Variants in ZNF540 observed in about 807,000 individuals in gnomAD.
ZNF540 encodes the protein CTD-3064H18.6.
Under a neutral mutation model 11.8 loss-of-function variants are expected in ZNF540, and 3 were observed. The ratio of observed to expected loss-of-function variants is 0.25; its 90% CI spans 0.12 to 0.65. The LOEUF (loss-of-function observed/expected upper bound fraction) is 0.65. Ranked by LOEUF, ZNF540 falls within the 30% of genes least tolerant of loss-of-function variation. ZNF540 has a pLI of 0.83. For synonymous variants in ZNF540, 247 were observed against 259.0 expected (o/e 0.95, Z 0.45); for missense variants, 709 against 793.1 (o/e 0.89, Z 1.27).
Position 37,612,795 on chromosome 19 carries a change from A to C in ZNF540, c.1515A>C (p.Arg505Ser). The C allele has an allele frequency of 6.2e-7, 1 of 1,613,998 alleles. No homozygotes were observed. The highest frequency in any genetic ancestry group is 8.5e-7 in the Non-Finnish European group (1 of 1,180,008). The change falls in exon 5 of 5, where the codon AGA becomes AGC. Residue 505 changes from arginine to serine, a missense_variant. By Grantham distance (110) the Arg-to-Ser change is moderately radical. Coordinates refer to ENST00000316433, the MANE Select transcript of ZNF540 (RefSeq NM_001172225.3). ...YKCVRCGKTFRFGFYLTEHQR... is the reference protein window; with the variant it reads ...YKCVRCGKTFSFGFYLTEHQR... ...GTGTACGATGTGGGAAGACCTTTAG[A>C]TTTGGTTTCTACCTTACTGAACACC... is the stretch of plus-strand genomic sequence containing the variant.
chr19:37,564,738 C>CA, intron 1 of ZNF540: 1 of 1,613,666 alleles, frequency 6.2e-7, no homozygotes. Context: ...AAGGCCCTCC[C>CA]ACATTCCTTA....
At chr19:37,560,234 C>T (rs555287617) in intron 1 of ZNF540, among the ~76,000 whole-genome samples, 11 of 150,338 alleles carry the variant, frequency 7.3e-5, no homozygotes, top group South Asian at 2.1e-4. Context: ...GCTGAGATTG[C>T]GCCACTGCAC....
chr19:37,604,450 G>C (rs568181252), intron 4 of ZNF540, among the ~76,000 whole-genome samples: 1 of 151,500 alleles, frequency 6.6e-6, no homozygotes, highest in Non-Finnish European at 1.5e-5. Context: ...TGGGACTACA[G>C]GTGCCCACCA....
intron 1 of ZNF540, among the ~76,000 whole-genome samples, chr19:37,579,044 C>A (rs977884415): frequency 1.3e-5 from 2 of 152,218 alleles, no homozygotes; most frequent in East Asian, 3.8e-4. Flanking sequence ...GCCCTGCCCC[C>A]ACCTGAACAT....
intron 1 of ZNF540, chr19:37,584,128 C>T: frequency 6.2e-7 from 1 of 1,613,142 alleles, no homozygotes; most frequent in Non-Finnish European, 8.5e-7. Context: ...CAGGATGATT[C>T]TACAGGAATG....
intron 1 of ZNF540, chr19:37,584,210 T>C (rs948508750): frequency 6.6e-6 from 10 of 1,511,904 alleles, no homozygotes; most frequent in South Asian, 3.7e-5. Flanking sequence ...CAACAGGAAA[T>C]TGGTTGCCTA....
At chr19:37,570,332 C>T (rs1229131459) in intron 1 of ZNF540, among the ~76,000 whole-genome samples, 1 of 152,152 alleles carries the variant, frequency 6.6e-6, no homozygotes, top group Non-Finnish European at 1.5e-5. Context: ...ATTTTCTTCA[C>T]CTTCTTGATC....
chr19:37,586,373 A>T (rs1441218520), intron 1 of ZNF540: 1 of 426,764 alleles, frequency 2.3e-6, no homozygotes, highest in Non-Finnish European at 4.2e-6. Context: ...CCGTGGTACT[A>T]ATGTGTACCA....
intron 1 of ZNF540, among the ~76,000 whole-genome samples, chr19:37,576,313 C>T (rs892768060): frequency 6.6e-6 from 1 of 152,136 alleles, no homozygotes; most frequent in African/African-American, 2.4e-5. Context: ...TCATATAACT[C>T]TATAAACAAA....
chr19:37,567,857 T>C (rs1434046397), intron 1 of ZNF540: 1 of 152,244 alleles, frequency 6.6e-6, no homozygotes, highest in Non-Finnish European at 1.5e-5. Flanking sequence ...GCTCTACATG[T>C]GTAGGGGGAA....
chr19:37,602,639 G>A (rs1359674551), intron 4 of ZNF540, among the ~76,000 whole-genome samples: 1 of 152,166 alleles, frequency 6.6e-6, no homozygotes, highest in East Asian at 1.9e-4. Flanking sequence ...GAGGCCCAGG[G>A]CACTCTATTC....
intron 1 of ZNF540, among the ~76,000 whole-genome samples, chr19:37,578,225 G>A (rs1168352006): frequency 6.6e-6 from 1 of 152,146 alleles, no homozygotes; most frequent in East Asian, 1.9e-4. Context: ...TTGGGATAGC[G>A]CTGGTCTAGA....
intron 1 of ZNF540, chr19:37,583,965 T>C: frequency 6.3e-7 from 1 of 1,599,384 alleles, no homozygotes; most frequent in East Asian, 2.2e-5. Context: ...CGTAGGATGA[T>C]CTTACCCAAT....
At chr19:37,590,043 G>C (rs2043820088), upstream of ZNF540, among the ~76,000 whole-genome samples, 2 of 151,820 alleles carry the variant, frequency 1.3e-5, no homozygotes, top group Admixed American at 6.6e-5. Context: ...CTAAAGAGAT[G>C]ATTTAATTAA....
intron 1 of ZNF540, among the ~76,000 whole-genome samples, chr19:37,573,410 T>G (rs979402422): frequency 6.6e-6 from 1 of 152,192 alleles, no homozygotes; most frequent in African/African-American, 2.4e-5. Context: ...TCTGCCCAAT[T>G]TGGTTTTCAC....
rs147008530 is a variant in ZNF540, at chr19:37,556,463, G to A, written c.-73+4798G>A. Among the ~76,000 whole-genome samples the A allele has an allele frequency of 1.3e-3, 191 of 152,268 alleles. 3 individuals carry two copies. The highest frequency in any genetic ancestry group is 4.3e-3 in the African/African-American group (178 of 41,572). On this transcript the variant is annotated intron_variant, in intron 1 of 4. Transcript: ENST00000592533. ...AGTGATGAATCTAAGCAGGAATGCC[G>A]TCCACCTTCAGAGCCATTGGCGTTG...
At chr19:37,601,870 G>A (rs2044042117) in intron 4 of ZNF540, among the ~76,000 whole-genome samples, 1 of 152,212 alleles carries the variant, frequency 6.6e-6, no homozygotes, top group Non-Finnish European at 1.5e-5. Flanking sequence ...ATTTAGAGCT[G>A]AGCAGGGGCC....
At chr19:37,581,018 AT>A (rs991964639) in intron 1 of ZNF540, among the ~76,000 whole-genome samples, 1 of 152,118 alleles carries the variant, frequency 6.6e-6, no homozygotes, top group Non-Finnish European at 1.5e-5. Flanking sequence ...CATCCACATA[AT>A]TTTTTTCAAT....
intron 4 of ZNF540, among the ~76,000 whole-genome samples, chr19:37,601,998 G>A (rs989263258): frequency 6.6e-6 from 1 of 152,190 alleles, no homozygotes; most frequent in African/African-American, 2.4e-5. Context: ...GCTCTGTGAA[G>A]AATATACTAA....
Sources: allele counts gnomAD v4.1 joint callset (sites outside exome capture counted in the v4.1 genomes callset), GRCh38; gene constraint gnomAD v4.1.1; transcripts MANE v1.5; gene names NCBI Gene and HGNC (gene_info 2026-07-23, HGNC 2026-07-21).